Variants in KIAA1217 observed in about 807,000 individuals in gnomAD.
The protein encoded by KIAA1217 is KIAA1217.
A neutral mutation model predicts 163.9 loss-of-function variants in KIAA1217; 88 were observed. The ratio of observed to expected loss-of-function variants is 0.54; its 90% CI spans 0.45 to 0.64. KIAA1217 has a LOEUF of 0.64. Among genes scored for constraint, KIAA1217 ranks in the 30% least tolerant of loss-of-function variants. The pLI is 0.00. For synonymous variants in KIAA1217, 903 were observed against 923.1 expected, an observed-to-expected ratio of 0.98 and a Z score of 0.39; for missense variants, 2,372 against 2,475.0, an observed-to-expected ratio of 0.96 and a Z score of 0.88.
intron 3 of KIAA1217, among the ~76,000 whole-genome samples, chr10:24,412,265 C>G (rs1477311183): frequency 2.0e-5 from 3 of 152,040 alleles, no homozygotes; most frequent in African/African-American, 7.2e-5. Context: ...ATCTGACTTG[C>G]TTGTCAGTCT....
At chr10:23,937,911 T>C (rs971013734) in intron 1 of KIAA1217, among the ~76,000 whole-genome samples, 1 of 152,174 alleles carries the variant, frequency 6.6e-6, no homozygotes. Context: ...TTCCAGACTT[T>C]AGCACAGGGA....
At chr10:23,702,620 A>G (rs1460335793) in intron 1 of KIAA1217, among the ~76,000 whole-genome samples, 2 of 150,202 alleles carry the variant, frequency 1.3e-5, no homozygotes, top group African/African-American at 4.9e-5. Flanking sequence ...TTTGTAAGTA[A>G]TCTCTTCCTT....
chr10:24,537,257 A>G (rs1262425371), intron 17 of KIAA1217, among the ~76,000 whole-genome samples: 1 of 152,194 alleles, frequency 6.6e-6, no homozygotes, highest in African/African-American at 2.4e-5. Context: ...AAAAAAAGAA[A>G]AACAACTATA....
At chr10:23,715,154 T>C (rs74122374) in intron 1 of KIAA1217, among the ~76,000 whole-genome samples, 40,160 of 152,128 alleles carry the variant, frequency 0.26, 6,335 homozygotes, top group African/African-American at 0.44. Context: ...GGATTAGCAT[T>C]CAAGATGGAG....
chr10:24,456,758 A>G (rs1247186948), intron 5 of KIAA1217, among the ~76,000 whole-genome samples: 1 of 149,608 alleles, frequency 6.7e-6, no homozygotes, highest in African/African-American at 2.5e-5. Flanking sequence ...GCTGGAGTGC[A>G]ATGGTGTGAT....
At chr10:23,863,492 C>T (rs1840049250) in intron 1 of KIAA1217, among the ~76,000 whole-genome samples, 1 of 151,444 alleles carries the variant, frequency 6.6e-6, no homozygotes, top group Non-Finnish European at 1.5e-5. Context: ...CTCTTTTGCT[C>T]TTCTGCTATG....
chr10:23,899,415 A>T (rs1841858199), intron 1 of KIAA1217, among the ~76,000 whole-genome samples: 3 of 152,056 alleles, frequency 2.0e-5, no homozygotes, highest in Non-Finnish European at 4.4e-5. Context: ...TCTGATTGCT[A>T]ATGAAGTTGG....
intron 2 of KIAA1217, among the ~76,000 whole-genome samples, chr10:24,312,863 C>A (rs2042887769): frequency 6.6e-6 from 1 of 152,060 alleles, no homozygotes; most frequent in Admixed American, 6.6e-5. Context: ...CTGCAGGGAG[C>A]CTTGATTGTG....
intron 3 of KIAA1217, among the ~76,000 whole-genome samples, chr10:24,428,493 G>A (rs1233171883): frequency 1.3e-5 from 2 of 152,158 alleles, no homozygotes; most frequent in East Asian, 3.9e-4. Context: ...CAAGGAAACA[G>A]CCACTTCAGA....
At chr10:24,356,578 G>A (rs1349269611) in intron 2 of KIAA1217, among the ~76,000 whole-genome samples, 1 of 152,232 alleles carries the variant, frequency 6.6e-6, no homozygotes, top group African/African-American at 2.4e-5. Context: ...ACAGTGTTGA[G>A]AGTTGGGACC....
At chr10:24,400,658 A>G (rs1050680722) in intron 3 of KIAA1217, among the ~76,000 whole-genome samples, 2 of 152,174 alleles carry the variant, frequency 1.3e-5, no homozygotes, top group Non-Finnish European at 2.9e-5. Flanking sequence ...ACATTAACCT[A>G]AAAGTAATCA....
chr10:24,064,043 T>C (rs2060839283), intron 2 of KIAA1217, among the ~76,000 whole-genome samples: 3 of 152,220 alleles, frequency 2.0e-5, no homozygotes, highest in Non-Finnish European at 4.4e-5. Context: ...GATTTAGGGC[T>C]GAGACGATGG....
chr10:24,273,541 C>T (rs2076966148), intron 2 of KIAA1217, among the ~76,000 whole-genome samples: 1 of 152,084 alleles, frequency 6.6e-6, no homozygotes, highest in South Asian at 2.1e-4. Context: ...TGGCCCACGT[C>T]ACATCTTTAA....
chr10:24,375,980 CTTTCT>C (rs1810902881), intron 2 of KIAA1217, among the ~76,000 whole-genome samples: 1 of 152,214 alleles, frequency 6.6e-6, no homozygotes, highest in Non-Finnish European at 1.5e-5. Context: ...CTAGCTCTAA[CTTTCT>C]TTTATCTTTG....
At chr10:24,310,644 G>A (rs893495591) in intron 2 of KIAA1217, among the ~76,000 whole-genome samples, 3 of 152,210 alleles carry the variant, frequency 2.0e-5, no homozygotes, top group Non-Finnish European at 4.4e-5. Context: ...ATGGAGTTCA[G>A]GGACCTTGCT....
chr10:24,073,342 G>A (rs1589396626), intron 2 of KIAA1217, among the ~76,000 whole-genome samples: 1 of 152,110 alleles, frequency 6.6e-6, no homozygotes, highest in African/African-American at 2.4e-5. Flanking sequence ...CTGTGGAAGA[G>A]GAGGTGCCTA....
rs138758880 is a variant in KIAA1217 at position 23,710,822 on chromosome 10, T to C, written c.-321+15588T>C. ...CTCCAGGTAGCTCATCAAATACCTA[T>C]GGAATGGGTACAATGAGTATAGGGA... On this transcript the variant is annotated intron_variant, in intron 1 of 18. Coordinates refer to the KIAA1217 transcript ENST00000376462. Among the ~76,000 whole-genome samples the C allele has an allele frequency of 1.9e-3, 286 of 152,290 alleles. 1 individual carries two copies. Among genetic ancestry groups the C allele is most frequent in the Middle Eastern group, 3.4e-3 (1 of 294 alleles).
chr10:24,353,741 T>C (rs919511299), intron 2 of KIAA1217, among the ~76,000 whole-genome samples: 19 of 152,228 alleles, frequency 1.2e-4, no homozygotes, highest in Non-Finnish European at 8.8e-5. Flanking sequence ...ATTAGCAAAG[T>C]CTTTTTAGAG....
chr10:23,817,835 A>C (rs1385154734), intron 1 of KIAA1217, among the ~76,000 whole-genome samples: 19 of 151,038 alleles, frequency 1.3e-4, no homozygotes, highest in Admixed American at 1.2e-3. Context: ...CATACTTGTA[A>C]TCCCAACATT....
Sources: allele counts gnomAD v4.1 joint callset (sites outside exome capture counted in the v4.1 genomes callset), GRCh38; gene constraint gnomAD v4.1.1; transcripts MANE v1.5; gene names NCBI Gene and HGNC (gene_info 2026-07-23, HGNC 2026-07-21).